RPS6KA5: variants seen among roughly 807,000 people sequenced by gnomAD.
RPS6KA5 encodes the protein ribosomal protein S6 kinase alpha-5.
In RPS6KA5, 27 loss-of-function variants were observed where a neutral mutation model predicts 85.5. The ratio of observed to expected loss-of-function variants is 0.32; its 90% confidence interval spans 0.23 to 0.44. The LOEUF is 0.44. Among genes scored for constraint, RPS6KA5 ranks in the 20% least tolerant of loss-of-function variants. The pLI is 1.00. For missense variants in RPS6KA5, 811 were observed against 980.9 expected (o/e 0.83, Z 2.31); for synonymous variants, 334 against 348.2 (o/e 0.96, Z 0.46).
At chr14:90,976,613 G>A (rs2039581805) in intron 3 of RPS6KA5, among the ~76,000 whole-genome samples, 1 of 152,126 alleles carries the variant, frequency 6.6e-6, no homozygotes, top group Non-Finnish European at 1.5e-5. Context: ...TGTTGTTCAT[G>A]TGGGTAGATA....
At chr14:90,946,224 TCTG>T (rs2037862374) in intron 4 of RPS6KA5, among the ~76,000 whole-genome samples, 1 of 152,150 alleles carries the variant, frequency 6.6e-6, no homozygotes, top group South Asian at 2.1e-4. Context: ...AAGTGTCTGT[TCTG>T]CTACCTCAGT....
At chr14:90,949,563 T>C (rs1325429748) in intron 3 of RPS6KA5, among the ~76,000 whole-genome samples, 1 of 152,214 alleles carries the variant, frequency 6.6e-6, no homozygotes, top group African/African-American at 2.4e-5. Flanking sequence ...ACAGGGTCTC[T>C]GAACAAAACC....
intron 1 of RPS6KA5, among the ~76,000 whole-genome samples, chr14:91,044,857 C>A (rs186624997): frequency 7.3e-6 from 1 of 137,158 alleles, no homozygotes; most frequent in Non-Finnish European, 1.5e-5. Context: ...GGCAACAGAG[C>A]GAGACGTGTC....
At position 90,902,846 on chromosome 14, in the gene RPS6KA5, G is replaced by A; in HGVS notation, c.1081C>T (p.Pro361Ser). The A allele has an allele frequency of 6.2e-7, 1 of 1,613,960 alleles. No homozygotes were observed. Among genetic ancestry groups the A allele is most frequent in the Non-Finnish European group, 8.5e-7 (1 of 1,179,924 alleles). Residue 361 changes from proline to serine, a missense_variant, in exon 9 of 17, where the codon CCC becomes TCC. Around this residue, in one of 3 missense-constraint regions of RPS6KA5, gnomAD observed 650 missense variants for 793.4 expected, o/e 0.82. Coordinates refer to ENST00000614987, the MANE Select transcript of RPS6KA5 (RefSeq NM_004755.4). ...TCAGAACTCTGGGGCAGGGCTGCGG[G>A]AGAATAAGTGGGATCCATTTCTGTG... ...EFTEMDPTYS[P>S]AALPQSSEKL...
chr14:91,035,692 T>C (rs2042366597), intron 1 of RPS6KA5, among the ~76,000 whole-genome samples: 1 of 151,750 alleles, frequency 6.6e-6, no homozygotes, highest in Admixed American at 6.6e-5. Flanking sequence ...CAACATCATC[T>C]ATAAAAGCTA....
intron 1 of RPS6KA5, among the ~76,000 whole-genome samples, chr14:91,043,721 C>T (rs528287710): frequency 2.6e-5 from 4 of 152,248 alleles, no homozygotes; most frequent in Admixed American, 1.3e-4. Context: ...AAAACTGGAT[C>T]CTATCTTTTC....
rs2032165698 is a variant in RPS6KA5 at position 90,854,252 on chromosome 14, A to G, written c.*17822T>C. The G allele has an allele frequency of 7.1e-6, 1 of 139,874 alleles. No individual in the cohort carries two copies. The highest frequency in any genetic ancestry group is 3.2e-5 in the African/African-American group (1 of 31,460). The allele number at this position is 139,874 out of a possible 1,614,324, so 8.7% of individuals were successfully genotyped here. ...GTAATTATTAAATGATTAATGTTTAATCATTAATCATTTAATAATAAATGG... is the reference window on the plus strand; with the variant it reads ...GTAATTATTAAATGATTAATGTTTAGTCATTAATCATTTAATAATAAATGG... On this transcript the variant is annotated 3_prime_UTR_variant, in exon 17 of 17. Transcript: ENST00000614987.
Position 90,978,538 on chromosome 14 carries a change from G to T in RPS6KA5, c.176-14C>A. 6.5e-7 allele frequency: 1 copy of T among 1,540,906 alleles called. No individual in the cohort carries two copies. Among genetic ancestry groups the T allele is most frequent in the Non-Finnish European group, 8.8e-7 (1 of 1,141,106 alleles). On this transcript the variant is annotated splice_polypyrimidine_tract_variant and intron_variant, in intron 2 of 16. Transcript: ENST00000614987. ...CTTTTCCATAAGCTGAAAATGAAAA[G>T]AAAAAATAAAAAGAATTAAAATGCT...
chr14:90,949,025 G>A (rs1019511744), intron 3 of RPS6KA5, among the ~76,000 whole-genome samples: 10 of 152,044 alleles, frequency 6.6e-5, no homozygotes, highest in Non-Finnish European at 1.0e-4. Context: ...CAAACCACAC[G>A]ACAGCAAAAA....
intron 14 of RPS6KA5, among the ~76,000 whole-genome samples, chr14:90,885,930 A>C (rs2034197645): frequency 1.3e-5 from 2 of 151,908 alleles, no homozygotes; most frequent in African/African-American, 4.8e-5. Flanking sequence ...TTTTCTGGAA[A>C]AGGCAGAATT....
At chr14:90,937,285 G>A (rs1455308590) in intron 5 of RPS6KA5, among the ~76,000 whole-genome samples, 1 of 152,076 alleles carries the variant, frequency 6.6e-6, no homozygotes, top group Admixed American at 6.6e-5. Context: ...GGGTAGGGGG[G>A]CAAGGAGGTA....
rs997494124 is a variant in RPS6KA5, at chr14:90,864,808, C to T, written c.*7266G>A. The T allele has an allele frequency of 4.6e-5, 7 of 152,154 alleles. No homozygotes were observed. The highest frequency in any genetic ancestry group is 1.0e-4 in the Non-Finnish European group (7 of 68,026). 9.4% of individuals were successfully genotyped at this position (152,154 alleles called of 1,614,324 possible). A position where few individuals can be genotyped will look rare whatever the true frequency, so the allele number is the denominator to read the frequency against. ...CATCACTACTTATCAGGAAAATACA[C>T]CTTAAAATCTCAGTGAAATACAAAA... is the stretch of plus-strand genomic sequence containing the variant. On this transcript the variant is annotated 3_prime_UTR_variant, in exon 17 of 17. Coordinates refer to ENST00000614987, the MANE Select transcript of RPS6KA5 (RefSeq NM_004755.4).
chr14:90,974,188 G>A (rs2039459973), intron 3 of RPS6KA5, among the ~76,000 whole-genome samples: 1 of 152,014 alleles, frequency 6.6e-6, no homozygotes, highest in African/African-American at 2.4e-5. Flanking sequence ...CGGATAATAG[G>A]TTTCTCCTAA....
rs1640561278 is a variant in RPS6KA5, at chr14:90,908,674, A to G, written c.807-2375T>C. ...CTATAGCAGGTTACATCTTTTCTCC[A>G]TAAGAAAGTGATCCCAGATGTAACT... On this transcript the variant is annotated intron_variant, in intron 7 of 16. Transcript: ENST00000614987. Among the ~76,000 whole-genome samples the G allele has an allele frequency of 2.0e-5, 3 of 152,232 alleles. No homozygotes were observed. The South Asian group carries it at 6.2e-4, about 32-fold the overall frequency.
In RPS6KA5 at chr14:90,865,831, G is replaced by C. The variant is rs2032780809; in HGVS notation, c.*6243C>G. On this transcript the variant is annotated 3_prime_UTR_variant, in exon 17 of 17. Transcript: ENST00000614987. ...TACACAGTAGACAAAGCCTTTTAAA[G>C]AGATTTGTCCATACGGGCACTGAAA... The C allele has an allele frequency of 6.6e-6, 1 of 152,062 alleles. No individual in the cohort carries two copies. The highest frequency in any genetic ancestry group is 6.5e-5 in the Admixed American group (1 of 15,274). The allele number at this position is 152,062 out of a possible 1,614,324, so 9.4% of individuals were successfully genotyped here. A position where few individuals can be genotyped will look rare whatever the true frequency, so the allele number is the denominator to read the frequency against.
chr14:91,044,897 A>T (rs1358512992), intron 1 of RPS6KA5, among the ~76,000 whole-genome samples: 4 of 151,800 alleles, frequency 2.6e-5, no homozygotes, highest in Non-Finnish European at 4.4e-5. Flanking sequence ...AAAAAGGTGG[A>T]AGAGACAAAT....
chr14:91,025,893 G>C (rs1270805912), intron 1 of RPS6KA5, among the ~76,000 whole-genome samples: 3 of 151,850 alleles, frequency 2.0e-5, no homozygotes, highest in Non-Finnish European at 4.4e-5. Flanking sequence ...TTCGTTATGA[G>C]TTATACAGTG....
chr14:90,951,967 C>T (rs1447314941), intron 3 of RPS6KA5, among the ~76,000 whole-genome samples: 1 of 152,092 alleles, frequency 6.6e-6, no homozygotes, highest in Non-Finnish European at 1.5e-5. Flanking sequence ...GAATCCTTTT[C>T]CTCTTTTTGA....
intron 2 of RPS6KA5, 64 bp downstream of exon 2, chr14:91,001,024 T>C: frequency 1.1e-6 from 1 of 894,742 alleles, no homozygotes; most frequent in Admixed American, 2.3e-5. Flanking sequence ...GGGATATCAA[T>C]CCTTCATCAT....
Sources: allele counts gnomAD v4.1 joint callset (sites outside exome capture counted in the v4.1 genomes callset), GRCh38; gene constraint gnomAD v4.1.1; regional missense constraint gnomAD v4.1.1; transcripts MANE v1.5; gene names NCBI Gene and HGNC (gene_info 2026-07-23, HGNC 2026-07-21).